OXR1: variants seen among roughly 807,000 people sequenced by gnomAD.
OXR1 encodes the protein oxidation resistance protein 1.
A neutral mutation model predicts 104.6 loss-of-function variants in OXR1; 41 were observed. The observed-to-expected ratio is 0.39, with a 90% CI of 0.31 to 0.51. OXR1 has a LOEUF of 0.51. OXR1 is among the 20% of genes least tolerant of loss of function. The pLI is 0.77. For missense variants in OXR1, 955 were observed against 1,031.9 expected, an observed-to-expected ratio of 0.93 and a Z score of 1.02; for synonymous variants, 348 against 348.4, an observed-to-expected ratio of 1.00 and a Z score of 0.01.
At chr8:106,456,236 G>A (rs976464404) in intron 2 of OXR1, among the ~76,000 whole-genome samples, 1 of 152,158 alleles carries the variant, frequency 6.6e-6, no homozygotes, top group African/African-American at 2.4e-5. Flanking sequence ...ACAGAACGAA[G>A]ATACTGTCTT....
intron 2 of OXR1, among the ~76,000 whole-genome samples, chr8:106,398,012 A>C (rs577493350): frequency 6.0e-4 from 91 of 151,486 alleles, no homozygotes; most frequent in Non-Finnish European, 1.1e-3. Flanking sequence ...TAGATTAATC[A>C]CTCCGATCTC....
chr8:106,327,785 A>G (rs1814533757), intron 1 of OXR1, among the ~76,000 whole-genome samples: 1 of 152,228 alleles, frequency 6.6e-6, no homozygotes, highest in Non-Finnish European at 1.5e-5. Context: ...TGTGAGTACC[A>G]GCTCATAATT....
At chr8:106,655,865 GAAA>G in intron 3 of OXR1, among the ~76,000 whole-genome samples, 1 of 151,866 alleles carries the variant, frequency 6.6e-6, no homozygotes. Flanking sequence ...AATAGAAGCA[GAAA>G]AAAAACCCAA....
chr8:106,750,511 G>A (rs1835809819), intron 16 of OXR1, among the ~76,000 whole-genome samples: 1 of 151,566 alleles, frequency 6.6e-6, no homozygotes, highest in South Asian at 2.1e-4. Context: ...GTATTTTTTA[G>A]TAGAGACAGG....
intron 2 of OXR1, among the ~76,000 whole-genome samples, chr8:106,443,300 AT>A (rs1304221285): frequency 2.0e-5 from 3 of 150,896 alleles, no homozygotes; most frequent in Non-Finnish European, 4.4e-5. Flanking sequence ...TTTTTTTTGC[AT>A]TTTGCTGAGG....
chr8:106,586,185 A>G (rs1818615608), intron 3 of OXR1, among the ~76,000 whole-genome samples: 1 of 152,164 alleles, frequency 6.6e-6, no homozygotes, highest in Non-Finnish European at 1.5e-5. Flanking sequence ...TTCAGGTGAG[A>G]AACATGGTAG....
chr8:106,405,481 TC>T (rs1818198955), intron 2 of OXR1, among the ~76,000 whole-genome samples: 1 of 152,078 alleles, frequency 6.6e-6, no homozygotes, highest in Non-Finnish European at 1.5e-5. Flanking sequence ...TGATTCCCCT[TC>T]CCTTGAATAG....
chr8:106,595,550 C>CAAAAAAAAAAAAAAAA (rs67790797), intron 3 of OXR1, among the ~76,000 whole-genome samples: 1 of 60,734 alleles, frequency 1.6e-5, no homozygotes, highest in African/African-American at 5.3e-5. Flanking sequence ...AACTCCGTCT[C>CAAAAAAAAAAAAAAAA]AAAAAAAAAA....
intron 3 of OXR1, among the ~76,000 whole-genome samples, chr8:106,648,785 C>T (rs890628338): frequency 2.0e-5 from 3 of 152,046 alleles, no homozygotes; most frequent in African/African-American, 7.3e-5. Context: ...CAACTAACAA[C>T]AAAAGGCTTT....
chr8:106,467,124 A>G (rs1046146661), intron 2 of OXR1, among the ~76,000 whole-genome samples: 1 of 151,930 alleles, frequency 6.6e-6, no homozygotes, highest in Non-Finnish European at 1.5e-5. Flanking sequence ...ACTACCTTCC[A>G]GAGTATTTCA....
intron 2 of OXR1, among the ~76,000 whole-genome samples, chr8:106,428,453 C>T (rs1296602143): frequency 6.6e-6 from 1 of 152,152 alleles, no homozygotes; most frequent in Non-Finnish European, 1.5e-5. Context: ...GTATTTCCCT[C>T]AGCAACTTCT....
intron 9 of OXR1, among the ~76,000 whole-genome samples, chr8:106,709,863 TC>T (rs1208973429): frequency 2.0e-5 from 3 of 152,124 alleles, no homozygotes; most frequent in Non-Finnish European, 4.4e-5. Context: ...TGAAAGCTCA[TC>T]GTTTTAACCA....
At chr8:106,328,415 G>T (rs980074758) in intron 1 of OXR1, among the ~76,000 whole-genome samples, 43 of 152,332 alleles carry the variant, frequency 2.8e-4, no homozygotes, top group African/African-American at 6.5e-4. Context: ...TAAAGGGAAA[G>T]ATTATGATGA....
chr8:106,374,826 T>C (rs991866842), intron 2 of OXR1, among the ~76,000 whole-genome samples: 1 of 152,220 alleles, frequency 6.6e-6, no homozygotes, highest in Non-Finnish European at 1.5e-5. Context: ...GCTGAGGTTC[T>C]AAGATGTCCA....
At chr8:106,717,426 G>A (rs1587220444) in intron 11 of OXR1, among the ~76,000 whole-genome samples, 1 of 152,112 alleles carries the variant, frequency 6.6e-6, no homozygotes, top group East Asian at 1.9e-4. Context: ...CTACCAACTT[G>A]GGCATCAGTT....
rs556579324 is a variant in OXR1, at chr8:106,668,766, C to G, written c.221-10444C>G. On this transcript the variant is annotated intron_variant, in intron 3 of 16. Coordinates refer to ENST00000517566, the MANE Select transcript of OXR1 (RefSeq NM_001198533.2). ...TATATTAGTTTGACAGATTTGAAAA[C>G]TGCTGGTGTTAACTGTCACAAATAT... Among the ~76,000 whole-genome samples the G allele has an allele frequency of 3.9e-5, 6 of 152,272 alleles. No individual in the cohort carries two copies. In the South Asian group the frequency reaches 1.2e-3, roughly 32 times the overall value.
intron 1 of OXR1, among the ~76,000 whole-genome samples, chr8:106,314,964 A>G (rs748219627): frequency 6.6e-6 from 1 of 152,172 alleles, no homozygotes; most frequent in East Asian, 1.9e-4. Context: ...GAATAATTAG[A>G]TGAAGATAAT....
rs1200997871 is a variant in OXR1, at chr8:106,294,395, C to CAAAAAAA, written c.-139+24042_-139+24048dup. Among the ~76,000 whole-genome samples the CAAAAAAA allele has an allele frequency of 9.2e-4, 65 of 70,340 alleles. 1 individual carries two copies. Among genetic ancestry groups the CAAAAAAA allele is most frequent in the African/African-American group, 3.3e-3 (52 of 15,760 alleles). 46.1% of individuals were successfully genotyped at this position (70,340 alleles called of 152,430 possible). A position where few individuals can be genotyped will look rare whatever the true frequency, so the allele number is the denominator to read the frequency against. On this transcript the variant is annotated intron_variant, in intron 1 of 16. Transcript: ENST00000517566. ...TGGGCGACAGGGCAAGACTCTGTCT[C>CAAAAAAA]AAAAAAAAAAAAAAAAAAAAGAAAG...
chr8:106,592,445 C>A (rs1190985969), intron 3 of OXR1, among the ~76,000 whole-genome samples: 2 of 152,140 alleles, frequency 1.3e-5, no homozygotes. Context: ...AGCTACTTCA[C>A]TTTACAGATG....
Sources: allele counts gnomAD v4.1 joint callset (sites outside exome capture counted in the v4.1 genomes callset), GRCh38; gene constraint gnomAD v4.1.1; transcripts MANE v1.5; gene names NCBI Gene and HGNC (gene_info 2026-07-23, HGNC 2026-07-21).